TCF7L2: variants seen among roughly 807,000 people sequenced by gnomAD.
The protein encoded by TCF7L2 is transcription factor 7 like 2.
A neutral mutation model predicts 77.9 loss-of-function variants in TCF7L2; 23 were observed. That is an observed-to-expected ratio of 0.30 (90% confidence interval 0.21 to 0.42). The LOEUF (loss-of-function observed/expected upper bound fraction) is 0.42. Among genes scored for constraint, TCF7L2 ranks in the 10% least tolerant of loss-of-function variants. TCF7L2 has a pLI of 1.00. For missense variants in TCF7L2, 654 were observed against 793.1 expected, an observed-to-expected ratio of 0.82 and a Z score of 2.11; for synonymous variants, 413 against 340.2, an observed-to-expected ratio of 1.21 and a Z score of -2.36.
At chr10:112,965,411 G>A (rs953126080) in intron 4 of TCF7L2, among the ~76,000 whole-genome samples, 1 of 152,240 alleles carries the variant, frequency 6.6e-6, no homozygotes. Context: ...TGGGATGGAT[G>A]TACCTCATGG....
intron 3 of TCF7L2, among the ~76,000 whole-genome samples, chr10:112,957,185 C>A (rs2033866932): frequency 6.8e-6 from 1 of 146,420 alleles, no homozygotes; most frequent in Non-Finnish European, 1.5e-5. Flanking sequence ...CCCCAACACC[C>A]CCACCTTTTT....
chr10:113,044,060 A>T (rs1590923290), intron 5 of TCF7L2, among the ~76,000 whole-genome samples: 1 of 152,202 alleles, frequency 6.6e-6, no homozygotes, highest in Non-Finnish European at 1.5e-5. Flanking sequence ...TTTGAAGTCG[A>T]TGTAGAATTT....
chr10:113,030,293 C>T (rs897562683), intron 4 of TCF7L2, among the ~76,000 whole-genome samples: 19 of 152,214 alleles, frequency 1.2e-4, no homozygotes, highest in Non-Finnish European at 2.6e-4. Flanking sequence ...GGCTGTACCG[C>T]ATTTTAGTTA....
At chr10:113,007,281 C>G (rs1294747947) in intron 4 of TCF7L2, among the ~76,000 whole-genome samples, 1 of 152,146 alleles carries the variant, frequency 6.6e-6, no homozygotes, top group African/African-American at 2.4e-5. Flanking sequence ...GTTGTGTGTC[C>G]CTGAGGCCTC....
At chr10:113,048,658 C>G (rs1223793204) in intron 5 of TCF7L2, among the ~76,000 whole-genome samples, 1 of 152,184 alleles carries the variant, frequency 6.6e-6, no homozygotes, top group East Asian at 1.9e-4. Context: ...CATTCCAGCT[C>G]ACAGTGGAGC....
At chr10:113,126,122 T>A (rs1314169301) in intron 5 of TCF7L2, 4 of 151,912 alleles carry the variant, frequency 2.6e-5, no homozygotes, top group Admixed American at 2.0e-4. Context: ...GTTTTTTTTT[T>A]AAGTTAGTCA....
At chr10:112,963,648 ATGGTG>A (rs1564716950) in intron 3 of TCF7L2, among the ~76,000 whole-genome samples, 1 of 152,216 alleles carries the variant, frequency 6.6e-6, no homozygotes, top group African/African-American at 2.4e-5. Flanking sequence ...AAATCAGCAG[ATGGTG>A]TTTGTTTTCC....
intron 4 of TCF7L2, among the ~76,000 whole-genome samples, chr10:113,003,920 G>T (rs1449617577): frequency 6.6e-6 from 1 of 152,208 alleles, no homozygotes; most frequent in Non-Finnish European, 1.5e-5. Context: ...CCATAGAGGA[G>T]CACCTTTTGA....
At chr10:112,966,207 T>TAC (rs2036845196) in intron 4 of TCF7L2, among the ~76,000 whole-genome samples, 1 of 140,800 alleles carries the variant, frequency 7.1e-6, no homozygotes, top group Non-Finnish European at 1.5e-5. Context: ...TATATATATA[T>TAC]ATATTTTCTT....
At chr10:113,138,464 C>G (rs2067770672) in intron 5 of TCF7L2, among the ~76,000 whole-genome samples, 2 of 152,138 alleles carry the variant, frequency 1.3e-5, no homozygotes, top group South Asian at 4.1e-4. Flanking sequence ...TGCCCAAACG[C>G]TATCTTCCTC....
chr10:113,067,173 G>T (rs1156278819), intron 5 of TCF7L2, among the ~76,000 whole-genome samples: 1 of 152,200 alleles, frequency 6.6e-6, no homozygotes, highest in Non-Finnish European at 1.5e-5. Context: ...CATATTATGT[G>T]AATTGGACAA....
chr10:113,087,169 T>A (rs746670812), intron 5 of TCF7L2, among the ~76,000 whole-genome samples: 3 of 152,200 alleles, frequency 2.0e-5, no homozygotes, highest in Non-Finnish European at 4.4e-5. Context: ...AATATCTAGA[T>A]CTGTACAGAG....
At chr10:112,956,743 G>A (rs1438105001) in intron 3 of TCF7L2, among the ~76,000 whole-genome samples, 1 of 152,148 alleles carries the variant, frequency 6.6e-6, no homozygotes, top group Non-Finnish European at 1.5e-5. Context: ...CGCACCACCA[G>A]GTCATAAATC....
At chr10:113,055,144 T>C (rs1372148150) in intron 5 of TCF7L2, among the ~76,000 whole-genome samples, 1 of 152,242 alleles carries the variant, frequency 6.6e-6, no homozygotes. Flanking sequence ...GAGGAATTGG[T>C]AGGGCATTGG....
chr10:113,119,669 TG>T (rs1193419590), intron 5 of TCF7L2, among the ~76,000 whole-genome samples: 7 of 105,888 alleles, frequency 6.6e-5, no homozygotes, highest in African/African-American at 2.2e-4. Context: ...TCCCTTAAGG[TG>T]TTTTTTTTTT....
rs191090180 is a variant in TCF7L2, at chr10:113,157,794, G to A, written c.1270-227G>A. The A allele has an allele frequency of 1.7e-4, 85 of 490,142 alleles. No individual in the cohort carries two copies. In the East Asian group the frequency reaches 3.0e-3, roughly 17 times the overall value. The allele number at this position is 490,142 out of a possible 1,614,324, so 30.4% of individuals were successfully genotyped here. The stretch of plus-strand genomic sequence containing the variant: ...AAATGAGAGCTTCCCTTCACCACCC[G>A]CCAATCCCTTCTCTGCTCCCAAGAA... On this transcript the variant is annotated intron_variant, in intron 11 of 13. Transcript: ENST00000627217.
intron 5 of TCF7L2, among the ~76,000 whole-genome samples, chr10:113,054,154 G>A (rs1029510517): frequency 2.6e-5 from 4 of 152,174 alleles, no homozygotes; most frequent in African/African-American, 9.7e-5. Context: ...TGAACTCATG[G>A]CAAAAGAAAG....
intron 5 of TCF7L2, among the ~76,000 whole-genome samples, chr10:113,135,158 C>T (rs1461358503): frequency 1.3e-5 from 2 of 152,160 alleles, no homozygotes; most frequent in African/African-American, 4.8e-5. Flanking sequence ...TTTCACTTGC[C>T]AAGTTCCAAA....
intron 5 of TCF7L2, among the ~76,000 whole-genome samples, chr10:113,051,337 G>T (rs1372926759): frequency 6.6e-6 from 1 of 152,064 alleles, no homozygotes; most frequent in East Asian, 1.9e-4. Flanking sequence ...ATGGCACCAT[G>T]GAGTTCTGTG....
Sources: allele counts gnomAD v4.1 joint callset (sites outside exome capture counted in the v4.1 genomes callset), GRCh38; gene constraint gnomAD v4.1.1; transcripts MANE v1.5; gene names NCBI Gene and HGNC (gene_info 2026-07-23, HGNC 2026-07-21).